ADAMTSL3: variants seen among roughly 807,000 people sequenced by gnomAD.
The protein encoded by ADAMTSL3 is ADAMTS-like protein 3.
ADAMTSL3 carries 128 observed loss-of-function variants against 201.7 expected under a neutral mutation model. The observed-to-expected ratio is 0.63, with a 90% CI of 0.55 to 0.73. ADAMTSL3 has a LOEUF of 0.73. Among genes scored for constraint, ADAMTSL3 ranks in the 30% least tolerant of loss-of-function variants. ADAMTSL3 has a pLI of 0.00. For missense variants in ADAMTSL3, 1,990 were observed against 2,119.6 expected, an observed-to-expected ratio of 0.94 and a Z score of 1.20; for synonymous variants, 738 against 748.4, an observed-to-expected ratio of 0.99 and a Z score of 0.23.
At chr15:83,898,067 T>C (rs1293095787) in intron 14 of ADAMTSL3, 62 bp downstream of exon 14, 4 of 1,506,732 alleles carry the variant, frequency 2.7e-6, no homozygotes, top group African/African-American at 1.4e-5. Flanking sequence ...CATTCCAATA[T>C]TGTAGCATTT....
In ADAMTSL3 at chr15:83,942,577, C is replaced by T; in HGVS notation, c.2118-19C>T. On this transcript the variant is annotated intron_variant, in intron 17 of 29. Coordinates refer to ENST00000286744, the MANE Select transcript of ADAMTSL3 (RefSeq NM_207517.3). ...GTTTATTGGACTGTTCAACTTTCCCCACTTGTTTTCTGTTTTAGGTGGCAT... is the reference window on the plus strand; with the variant it reads ...GTTTATTGGACTGTTCAACTTTCCCTACTTGTTTTCTGTTTTAGGTGGCAT... 6.2e-7 allele frequency: 1 copy of T among 1,604,370 alleles called. No homozygotes were observed. The highest frequency in any genetic ancestry group is 8.5e-7 in the Non-Finnish European group (1 of 1,175,992).
At chr15:83,867,561 C>CAT (rs774569647) in intron 8 of ADAMTSL3, among the ~76,000 whole-genome samples, 2 of 152,110 alleles carry the variant, frequency 1.3e-5, no homozygotes, top group African/African-American at 4.8e-5. Flanking sequence ...ATCTGAGGAC[C>CAT]ATATATAGAG....
intron 4 of ADAMTSL3, among the ~76,000 whole-genome samples, chr15:83,784,780 T>C (rs1390379941): frequency 6.6e-6 from 1 of 150,756 alleles, no homozygotes; most frequent in Admixed American, 6.6e-5. Context: ...TTATGTAAAA[T>C]GATGATTACT....
intron 10 of ADAMTSL3, among the ~76,000 whole-genome samples, chr15:83,888,475 A>G (rs2065441394): frequency 6.6e-6 from 1 of 152,196 alleles, no homozygotes; most frequent in Admixed American, 6.5e-5. Flanking sequence ...ACACACACAT[A>G]AAACCCACAA....
intron 5 of ADAMTSL3, among the ~76,000 whole-genome samples, chr15:83,813,588 A>G (rs565957094): frequency 6.6e-6 from 1 of 152,304 alleles, no homozygotes; most frequent in South Asian, 2.1e-4. Flanking sequence ...CCAGGCCACG[A>G]GGACCACACC....
At position 84,036,815 on chromosome 15, in the gene ADAMTSL3, G is replaced by A; in HGVS notation, c.4797G>A (p.Val1599=). The change falls in exon 29 of 30, where the codon GTG becomes GTA. Residue 1599 remains valine (V), a synonymous_variant. Coordinates refer to ENST00000286744, the MANE Select transcript of ADAMTSL3 (RefSeq NM_207517.3). Reference sequence around the variant, plus strand: ...ACTGCACATCAGGGGCCTGTGATGTGTGTTGGCACACAGGCCCTTGGAAGC... The same window carrying A: ...ACTGCACATCAGGGGCCTGTGATGTATGTTGGCACACAGGCCCTTGGAAGC... ...RRNCTSGACD[V]CWHTGPWKPC... is the part of the protein sequence containing the mutation. 1.2e-6 allele frequency: 2 copies of A among 1,614,022 alleles called. No homozygotes were observed. Among genetic ancestry groups the A allele is most frequent in the Non-Finnish European group, 1.7e-6 (2 of 1,179,996 alleles).
At chr15:83,848,460 GA>G (rs1277225439) in intron 7 of ADAMTSL3, among the ~76,000 whole-genome samples, 5 of 152,188 alleles carry the variant, frequency 3.3e-5, no homozygotes, top group African/African-American at 1.2e-4. Flanking sequence ...ATGAGACATA[GA>G]AAAAATATGA....
chr15:83,698,528 C>T (rs1046176375), intron 2 of ADAMTSL3, among the ~76,000 whole-genome samples: 9 of 152,214 alleles, frequency 5.9e-5, no homozygotes, highest in Admixed American at 6.5e-5. Flanking sequence ...GAAGATCGCA[C>T]ACTTCCTGAT....
At position 83,938,690 on chromosome 15, in the gene ADAMTSL3, A is replaced by G. The variant is rs116411358; in HGVS notation, c.2118-3906A>G. The stretch of plus-strand genomic sequence containing the variant: ...TCATTAACTTATTCTCAAAATCTCT[A>G]TCAGAGTTTATTCTCTCAGTACATT... On this transcript the variant is annotated intron_variant, in intron 17 of 29. Transcript: ENST00000286744. 3.9e-3 allele frequency among the ~76,000 whole-genome samples: 592 copies of G among 152,234 alleles called. 2 individuals are homozygous for G. Among genetic ancestry groups the G allele is most frequent in the African/African-American group, 0.014 (568 of 41,532 alleles).
At chr15:83,735,368 A>G (rs1177411861) in intron 3 of ADAMTSL3, among the ~76,000 whole-genome samples, 1 of 152,182 alleles carries the variant, frequency 6.6e-6, no homozygotes, top group East Asian at 1.9e-4. Context: ...AGTGTTTCTC[A>G]GGAGTAACAC....
chr15:83,922,043 A>G (rs1006478641), intron 16 of ADAMTSL3, among the ~76,000 whole-genome samples: 6 of 152,218 alleles, frequency 3.9e-5, no homozygotes, highest in African/African-American at 1.4e-4. Context: ...TTGATGTATT[A>G]TGTCCTAAAT....
intron 4 of ADAMTSL3, among the ~76,000 whole-genome samples, chr15:83,795,591 A>G (rs1327574393): frequency 6.6e-6 from 1 of 152,180 alleles, no homozygotes; most frequent in Non-Finnish European, 1.5e-5. Flanking sequence ...ACACCAGCAT[A>G]GGGAATTTAA....
intron 2 of ADAMTSL3, among the ~76,000 whole-genome samples, chr15:83,688,751 T>TACACACAC (rs1555430321): frequency 0.11 from 12,804 of 114,346 alleles, 614 homozygotes; most frequent in South Asian, 0.21. Flanking sequence ...CACATGCATA[T>TACACACAC]ATATACACAC....
intron 23 of ADAMTSL3, among the ~76,000 whole-genome samples, chr15:84,007,839 T>C (rs2141877577): frequency 6.6e-6 from 1 of 152,246 alleles, no homozygotes; most frequent in Admixed American, 6.5e-5. Flanking sequence ...AATAGGGAGA[T>C]GAGATAAGTA....
chr15:83,680,768 A>G lies in ADAMTSL3; in HGVS notation c.70-23621A>G, dbSNP rs534153939. Among the ~76,000 whole-genome samples the G allele has an allele frequency of 2.0e-5, 3 of 151,742 alleles. No homozygotes were observed. The East Asian group carries it at 5.8e-4, about 29-fold the overall frequency. On this transcript the variant is annotated intron_variant, in intron 2 of 29. Coordinates refer to ENST00000286744, the MANE Select transcript of ADAMTSL3 (RefSeq NM_207517.3). ...ACCTTTTCTGGTGCTTTAAGACATT[A>G]TTTCCTTTCATTATTTTTTTATACT... is the stretch of plus-strand genomic sequence containing the variant.
chr15:83,955,202 C>T (rs963489741), intron 19 of ADAMTSL3, among the ~76,000 whole-genome samples: 2 of 152,178 alleles, frequency 1.3e-5, no homozygotes, highest in African/African-American at 2.4e-5. Context: ...ATTCTATTAC[C>T]CTGTGGCTAA....
In ADAMTSL3 at chr15:83,817,161, A is replaced by G. The variant is rs183609668; in HGVS notation, c.364-2650A>G. 4.6e-5 allele frequency among the ~76,000 whole-genome samples: 7 copies of G among 152,348 alleles called. No individual in the cohort carries two copies. The East Asian group carries it at 1.3e-3, about 29-fold the overall frequency. The stretch of plus-strand genomic sequence containing the variant: ...TCTCAGAAGAATGTTTGTTAATTAT[A>G]TTCTATCTATTCCCTATCTACTTCC... On this transcript the variant is annotated intron_variant, in intron 5 of 29. Transcript: ENST00000286744.
intron 2 of ADAMTSL3, among the ~76,000 whole-genome samples, chr15:83,685,662 A>G (rs868612093): frequency 1.2e-4 from 19 of 152,182 alleles, no homozygotes; most frequent in South Asian, 2.1e-4. Flanking sequence ...GAGTTTTCCA[A>G]TGGGCTGTGC....
intron 4 of ADAMTSL3, among the ~76,000 whole-genome samples, chr15:83,786,650 C>A (rs529109739): frequency 5.9e-5 from 9 of 152,120 alleles, no homozygotes; most frequent in African/African-American, 2.2e-4. Flanking sequence ...TCAAACCTGC[C>A]GCTTTTATGT....
Sources: allele counts gnomAD v4.1 joint callset (sites outside exome capture counted in the v4.1 genomes callset), GRCh38; gene constraint gnomAD v4.1.1; transcripts MANE v1.5; gene names NCBI Gene and HGNC (gene_info 2026-07-23, HGNC 2026-07-21).